BRAF: variants seen among roughly 807,000 people sequenced by gnomAD.
BRAF encodes B-Raf proto-oncogene, serine/threonine kinase, also known as serine/threonine-protein kinase B-raf.
BRAF carries 16 observed loss-of-function variants against 104.6 expected under a neutral mutation model. That is an observed-to-expected ratio of 0.15 (90% CI 0.10 to 0.23). BRAF has a LOEUF of 0.23. BRAF is among the 10% of genes least tolerant of loss of function. BRAF has a pLI of 1.00. For missense variants in BRAF, 541 were observed against 937.3 expected (o/e 0.58, Z 5.52); for synonymous variants, 310 against 341.6 (o/e 0.91, Z 1.02).
rs943895970 is a variant in BRAF at position 140,924,855 on chromosome 7, C to A, written c.-152G>T. ...GGAGCGGCCCGGGCGGCGCCGCGGG[C>A]GGAGGGCGCCTGGGCCACCTCAGGT... On this transcript the variant is annotated 5_prime_UTR_variant, in exon 1 of 20. Coordinates refer to ENST00000644969, the MANE Select transcript of BRAF (RefSeq NM_001374258.1). This position sits in a 1 kb window ranked among gnomAD's most constrained non-coding sequence, Gnocchi z 4.2. The A allele has an allele frequency of 8.1e-6, 2 of 247,364 alleles. No individual in the cohort carries two copies. Among genetic ancestry groups the A allele is most frequent in the African/African-American group, 4.8e-5 (2 of 41,800 alleles). The allele number at this position is 247,364 out of a possible 1,614,324, so 15.3% of individuals were successfully genotyped here.
intron 12 of BRAF, among the ~76,000 whole-genome samples, chr7:140,778,681 A>C (rs1800558499): frequency 1.3e-5 from 2 of 151,952 alleles, no homozygotes; most frequent in South Asian, 2.1e-4. Flanking sequence ...CATGTACCCT[A>C]AAACTTAAAA....
chr7:140,813,686 T>C (rs1804522306), intron 3 of BRAF, among the ~76,000 whole-genome samples: 1 of 152,132 alleles, frequency 6.6e-6, no homozygotes, highest in Non-Finnish European at 1.5e-5. Flanking sequence ...TGTATATATA[T>C]AAAAAATTAT....
intron 1 of BRAF, among the ~76,000 whole-genome samples, chr7:140,883,367 G>GTAAGC (rs541879426): frequency 1.2e-4 from 18 of 152,136 alleles, no homozygotes; most frequent in Non-Finnish European, 2.4e-4. Context: ...AGTTAGCCAT[G>GTAAGC]TAAGCTTTCT....
At chr7:140,857,791 T>C (rs775226545) in intron 1 of BRAF, among the ~76,000 whole-genome samples, 1 of 151,982 alleles carries the variant, frequency 6.6e-6, no homozygotes, top group Non-Finnish European at 1.5e-5. Flanking sequence ...CTGACCAAAT[T>C]TGGAGATTTT....
At chr7:140,790,685 A>G (rs1460531470) in intron 8 of BRAF, among the ~76,000 whole-genome samples, 1 of 152,240 alleles carries the variant, frequency 6.6e-6, no homozygotes, top group African/African-American at 2.4e-5. Context: ...ACAGTCTCTG[A>G]GAGACATAAT....
rs768338880 is a variant in BRAF, at chr7:140,777,134, T to C, written c.1638-46A>G. 12 of 1,593,512 alleles carry C rather than the reference T, an allele frequency of 7.5e-6. No homozygotes were observed. The East Asian group carries it at 2.5e-4, about 33-fold the overall frequency. ...GTAAACATTAAATGTCGACAAACTTTAGCAATTCTTACAAAAGAGAACCAA... is the reference window on the plus strand; with the variant it reads ...GTAAACATTAAATGTCGACAAACTTCAGCAATTCTTACAAAAGAGAACCAA... On this transcript the variant is annotated intron_variant, in intron 13 of 19. Transcript: ENST00000644969.
intron 2 of BRAF, among the ~76,000 whole-genome samples, chr7:140,845,055 G>C (rs1808400132): frequency 1.3e-5 from 2 of 151,450 alleles, no homozygotes; most frequent in African/African-American, 4.8e-5. Flanking sequence ...TATGATGACA[G>C]CATAAAGACA....
chr7:140,832,114 C>T (rs559481847), intron 3 of BRAF, among the ~76,000 whole-genome samples: 5 of 152,314 alleles, frequency 3.3e-5, no homozygotes, highest in African/African-American at 1.2e-4. Context: ...ATTCTTTTTA[C>T]ATATCTTTAC....
chr7:140,731,812 A>G (rs1212749288), intron 19 of BRAF: 2 of 152,208 alleles, frequency 1.3e-5, no homozygotes, highest in African/African-American at 4.8e-5. Context: ...TTTCCTCATC[A>G]TTGATTAGTA....
intron 3 of BRAF, among the ~76,000 whole-genome samples, chr7:140,820,951 T>G (rs1805410135): frequency 6.6e-6 from 1 of 152,170 alleles, no homozygotes; most frequent in African/African-American, 2.4e-5. Flanking sequence ...AATAAAAATC[T>G]CAAGGAACAT....
chr7:140,889,791 CA>C (rs1490651821), intron 1 of BRAF, among the ~76,000 whole-genome samples: 1 of 152,170 alleles, frequency 6.6e-6, no homozygotes, highest in Admixed American at 6.5e-5. Context: ...GAGAGCAACA[CA>C]AGCTGTCCAC....
intron 19 of BRAF, among the ~76,000 whole-genome samples, chr7:140,727,941 A>G (rs1482277216): frequency 2.0e-5 from 3 of 152,146 alleles, no homozygotes. Context: ...CTATTTTTCA[A>G]TAGCAGCTTC....
intron 1 of BRAF, among the ~76,000 whole-genome samples, chr7:140,905,814 C>T (rs957355103): frequency 6.6e-5 from 10 of 152,118 alleles, no homozygotes; most frequent in African/African-American, 2.2e-4. Flanking sequence ...ATAGGCCGGG[C>T]GCGGTGGCTC....
intron 1 of BRAF, among the ~76,000 whole-genome samples, chr7:140,891,630 T>C (rs1322150950): frequency 3.3e-5 from 5 of 152,182 alleles, no homozygotes; most frequent in African/African-American, 1.2e-4. Context: ...CTTTGCTGTG[T>C]AGGACTTTTA....
Position 140,725,460 on chromosome 7 carries a change from TTTC to T in BRAF, c.*1031_*1033del. ...CAATTCAATTAAATCTGAAAATTAT[TTTC>T]TTTTTAATAAAAATAGAAAAGAAGA... On this transcript the variant is annotated 3_prime_UTR_variant, in exon 20 of 20. Coordinates refer to ENST00000644969, the MANE Select transcript of BRAF (RefSeq NM_001374258.1). The T allele has an allele frequency of 3.2e-6, 3 of 932,296 alleles. No homozygotes were observed. Among genetic ancestry groups the T allele is most frequent in the Non-Finnish European group, 1.3e-6 (1 of 765,676 alleles). 57.8% of individuals were successfully genotyped at this position (932,296 alleles called of 1,614,324 possible).
chr7:140,840,387 A>G (rs184891160), intron 2 of BRAF, among the ~76,000 whole-genome samples: 58 of 151,858 alleles, frequency 3.8e-4, no homozygotes, highest in Non-Finnish European at 7.5e-4. Context: ...TTGGAATTCC[A>G]TCCACATTTA....
chr7:140,770,879 G>A (rs1231856223), intron 14 of BRAF, among the ~76,000 whole-genome samples: 3 of 147,570 alleles, frequency 2.0e-5, no homozygotes, highest in African/African-American at 7.5e-5. Context: ...GTTTCAGTGA[G>A]CCAAGGTCGT....
rs1806730609 is a variant in BRAF, at chr7:140,831,405, A to C, written c.504+3204T>G. On this transcript the variant is annotated intron_variant, in intron 3 of 19. Coordinates refer to ENST00000644969, the MANE Select transcript of BRAF (RefSeq NM_001374258.1). ...CTTTTTACCCCACTGGATTTCTCTG[A>C]GGTTCAGGGACATCTGATGTTCAGT... Among the ~76,000 whole-genome samples the C allele has an allele frequency of 3.3e-5, 5 of 152,190 alleles. No individual in the cohort carries two copies. In the South Asian group the frequency reaches 1.0e-3, roughly 32 times the overall value.
chr7:140,903,171 C>T (rs992829412), intron 1 of BRAF, among the ~76,000 whole-genome samples: 2 of 152,036 alleles, frequency 1.3e-5, no homozygotes, highest in Admixed American at 6.6e-5. Flanking sequence ...GGTGATCCGC[C>T]CACCTCGGCC....
Sources: gnomAD v4.1 joint callset for allele counts (sites outside exome capture counted in the v4.1 genomes callset) on GRCh38, gnomAD v4.1.1 for gene constraint, Gnocchi (gnomAD v3.1) non-coding constraint, MANE v1.5 for transcripts, NCBI Gene and HGNC (gene_info 2026-07-23, HGNC 2026-07-21) for gene names.